The following PRKG1 variants were observed in gnomAD, a reference collection of about 807,000 sequenced individuals.
PRKG1 encodes the protein protein kinase cGMP-dependent 1, also known as cGMP-dependent protein kinase 1.
Under a neutral mutation model 88.1 loss-of-function variants are expected in PRKG1, and 35 were observed. The ratio of observed to expected loss-of-function variants is 0.40; its 90% CI spans 0.30 to 0.53. The LOEUF is 0.53. PRKG1 is among the 20% of genes least tolerant of loss of function. The pLI is 0.59. For missense variants in PRKG1, 540 were observed against 839.8 expected (o/e 0.64, Z 4.41); for synonymous variants, 303 against 292.5 (o/e 1.04, Z -0.37).
chr10:52,199,914 C>G (rs1839617402), intron 9 of PRKG1, among the ~76,000 whole-genome samples: 1 of 152,004 alleles, frequency 6.6e-6, no homozygotes, highest in Non-Finnish European at 1.5e-5. Flanking sequence ...AATGAATATA[C>G]CTTTTCAGGA....
intron 2 of PRKG1, among the ~76,000 whole-genome samples, chr10:51,442,280 A>G (rs1839136554): frequency 1.3e-5 from 2 of 152,124 alleles, no homozygotes; most frequent in East Asian, 3.9e-4. Flanking sequence ...TATTTTTAAT[A>G]CTAACTTACT....
intron 9 of PRKG1, among the ~76,000 whole-genome samples, chr10:52,211,257 C>T (rs1839963551): frequency 6.6e-6 from 1 of 152,184 alleles, no homozygotes; most frequent in African/African-American, 2.4e-5. Context: ...GACCCTGATG[C>T]ACTGCAAGGT....
chr10:51,181,460 C>T (rs1837344983), intron 2 of PRKG1, among the ~76,000 whole-genome samples: 1 of 151,328 alleles, frequency 6.6e-6, no homozygotes, highest in South Asian at 2.1e-4. Context: ...CCAGGATGGT[C>T]TCGATCTCCT....
At chr10:51,574,775 T>A (rs145373198) in intron 3 of PRKG1, among the ~76,000 whole-genome samples, 71 of 152,090 alleles carry the variant, frequency 4.7e-4, no homozygotes, top group Non-Finnish European at 4.7e-4. Flanking sequence ...ACAGACTTTA[T>A]AGCCTTCTCA....
chr10:51,728,449 CTTTGTTTTTTTTTTT>C (rs1349514478), intron 3 of PRKG1, among the ~76,000 whole-genome samples: 2 of 57,918 alleles, frequency 3.5e-5, no homozygotes, highest in Non-Finnish European at 7.0e-5. Context: ...TCCATTTTTT[CTTTGTTTTTTTTTTT>C]TTTTTTTTTT....
intron 3 of PRKG1, among the ~76,000 whole-genome samples, chr10:51,543,936 T>C (rs1277774096): frequency 6.6e-6 from 1 of 152,154 alleles, no homozygotes; most frequent in African/African-American, 2.4e-5. Flanking sequence ...TTCCAATTCA[T>C]TCTCTGGCAG....
At chr10:51,262,814 T>A (rs1839745852) in intron 2 of PRKG1, among the ~76,000 whole-genome samples, 1 of 152,146 alleles carries the variant, frequency 6.6e-6, no homozygotes, top group South Asian at 2.1e-4. Context: ...TCAGATCTCA[T>A]GAAAACTCAC....
chr10:51,065,040 C>T (rs1390400153), intron 1 of PRKG1, among the ~76,000 whole-genome samples: 1 of 152,042 alleles, frequency 6.6e-6, no homozygotes, highest in Non-Finnish European at 1.5e-5. Context: ...AGGACACAAG[C>T]ATTGGTTAAT....
chr10:51,822,936 T>C (rs1839786363), intron 4 of PRKG1, among the ~76,000 whole-genome samples: 1 of 152,192 alleles, frequency 6.6e-6, no homozygotes, highest in South Asian at 2.1e-4. Flanking sequence ...TGGAGATTCA[T>C]GGGCATTCCT....
intron 1 of PRKG1, among the ~76,000 whole-genome samples, chr10:50,994,988 A>C (rs528953159): frequency 1.3e-5 from 2 of 152,208 alleles, no homozygotes; most frequent in Non-Finnish European, 2.9e-5. Context: ...CAAATACTAC[A>C]CCATTTTATA....
intron 5 of PRKG1, among the ~76,000 whole-genome samples, chr10:52,025,369 GT>G (rs1474281365): frequency 6.6e-6 from 1 of 152,072 alleles, no homozygotes; most frequent in Non-Finnish European, 1.5e-5. Flanking sequence ...TGTTTTCATT[GT>G]TTTTGGTGTT....
intron 3 of PRKG1, among the ~76,000 whole-genome samples, chr10:51,580,243 A>G (rs10998319): frequency 0.069 from 10,525 of 152,124 alleles, 1,199 homozygotes; most frequent in African/African-American, 0.24. Flanking sequence ...TTTAAGTTCT[A>G]TTTCATAGTC....
intron 3 of PRKG1, among the ~76,000 whole-genome samples, chr10:51,480,026 G>A (rs575375342): frequency 1.3e-5 from 2 of 151,872 alleles, no homozygotes; most frequent in African/African-American, 4.8e-5. Flanking sequence ...TTAAATGTTG[G>A]CAAGCTTGAT....
chr10:51,501,718 C>T (rs1211356645), intron 3 of PRKG1, among the ~76,000 whole-genome samples: 2 of 151,702 alleles, frequency 1.3e-5, no homozygotes, highest in African/African-American at 4.8e-5. Context: ...TTTGGCAAAA[C>T]TCCCTTTCTT....
At chr10:51,266,388 G>A (rs1839836662) in intron 2 of PRKG1, among the ~76,000 whole-genome samples, 4 of 152,140 alleles carry the variant, frequency 2.6e-5, no homozygotes. Flanking sequence ...AGAACAGGAA[G>A]TCAAAAGCCC....
intron 3 of PRKG1, among the ~76,000 whole-genome samples, chr10:51,585,516 A>T (rs1838150811): frequency 6.6e-6 from 1 of 152,172 alleles, no homozygotes; most frequent in Non-Finnish European, 1.5e-5. Context: ...CTTTTATAAT[A>T]TGTTTATAAC....
At chr10:51,343,011 G>A (rs1842035435) in intron 2 of PRKG1, among the ~76,000 whole-genome samples, 1 of 152,172 alleles carries the variant, frequency 6.6e-6, no homozygotes, top group Non-Finnish European at 1.5e-5. Flanking sequence ...TAGGGGTTAA[G>A]GTAGACTTCA....
At chr10:52,198,070 CAG>C (rs1431132437) in intron 9 of PRKG1, among the ~76,000 whole-genome samples, 1 of 152,114 alleles carries the variant, frequency 6.6e-6, no homozygotes, top group Non-Finnish European at 1.5e-5. Flanking sequence ...ATAATGCTGA[CAG>C]AAAAATACAA....
intron 1 of PRKG1, among the ~76,000 whole-genome samples, chr10:51,036,632 A>G (rs546221011): frequency 6.6e-6 from 1 of 152,124 alleles, no homozygotes; most frequent in Non-Finnish European, 1.5e-5. Flanking sequence ...AAACAAAATT[A>G]TTGGAAGGAA....
Sources: allele counts gnomAD v4.1 joint callset (sites outside exome capture counted in the v4.1 genomes callset), GRCh38; gene constraint gnomAD v4.1.1; transcripts MANE v1.5; gene names NCBI Gene and HGNC (gene_info 2026-07-23, HGNC 2026-07-21).